The following KCNT1 variants were observed in gnomAD, a reference collection of about 807,000 sequenced individuals.
KCNT1 encodes potassium channel subfamily T member 1.
A neutral mutation model predicts 147.8 loss-of-function variants in KCNT1; 78 were observed. The observed-to-expected ratio is 0.53, with a 90% confidence interval of 0.44 to 0.64. The LOEUF (loss-of-function observed/expected upper bound fraction) is 0.64. Among genes scored for constraint, KCNT1 ranks in the 30% least tolerant of loss-of-function variants. The pLI is 0.00. For synonymous variants in KCNT1, 867 were observed against 748.8 expected, an observed-to-expected ratio of 1.16 and a Z score of -2.58; for missense variants, 1,419 against 1,750.3, an observed-to-expected ratio of 0.81 and a Z score of 3.38.
At chr9:135,749,622 G>A (rs985538341) in intron 2 of KCNT1, among the ~76,000 whole-genome samples, 2 of 152,226 alleles carry the variant, frequency 1.3e-5, no homozygotes, top group East Asian at 1.9e-4. Flanking sequence ...AGCCACCAGC[G>A]GCCTCCAGAC....
chr9:135,752,932 T>C lies in KCNT1; in HGVS notation c.435-1005T>C, dbSNP rs1831268006. 6.8e-6 allele frequency among the ~76,000 whole-genome samples: 1 copy of C among 147,996 alleles called. No individual in the cohort carries two copies. The highest frequency in any genetic ancestry group is 1.5e-5 in the Non-Finnish European group (1 of 67,202). On this transcript the variant is annotated intron_variant, in intron 4 of 30. Coordinates refer to ENST00000371757, the MANE Select transcript of KCNT1 (RefSeq NM_020822.3). The surrounding 1 kb of genome is among the most constrained non-coding windows in gnomAD (Gnocchi z 5.1). ...AGTGGATGGATGATGGATGGATGGA[T>C]GGACAGATAAGTAGATGGATAGATG...
At chr9:135,725,763 T>G (rs1041316171) in intron 2 of KCNT1, among the ~76,000 whole-genome samples, 4 of 152,140 alleles carry the variant, frequency 2.6e-5, no homozygotes, top group South Asian at 2.1e-4. Context: ...CTCAGCCGGG[T>G]CCAGGCGGAC....
intron 2 of KCNT1, among the ~76,000 whole-genome samples, chr9:135,728,373 T>C (rs1836301623): frequency 6.6e-6 from 1 of 152,210 alleles, no homozygotes; most frequent in Non-Finnish European, 1.5e-5. Context: ...CAGATTCACC[T>C]GGTTTCTATG....
chr9:135,715,051 G>A (rs1016146733), intron 2 of KCNT1, among the ~76,000 whole-genome samples: 8 of 152,210 alleles, frequency 5.3e-5, no homozygotes, highest in Non-Finnish European at 1.0e-4. Flanking sequence ...GGTTTTGGGG[G>A]CAAGCCAGGG....
At chr9:135,705,872 G>A (rs934958041) in intron 1 of KCNT1, among the ~76,000 whole-genome samples, 1 of 152,038 alleles carries the variant, frequency 6.6e-6, no homozygotes, top group African/African-American at 2.4e-5. Context: ...CCTTGAGAGG[G>A]GGCCTCCAGC....
intron 29 of KCNT1, chr9:135,788,058 T>C (rs775726417): frequency 4.1e-6 from 6 of 1,476,642 alleles, no homozygotes; most frequent in Non-Finnish European, 5.7e-6. Context: ...ATATTCTCTC[T>C]CTCTCTCTTT....
chr9:135,783,120 C>T (rs372789487), intron 24 of KCNT1, among the ~76,000 whole-genome samples: 37 of 152,320 alleles, frequency 2.4e-4, no homozygotes, highest in Admixed American at 9.8e-4. Context: ...AAGAATGACC[C>T]GAGAGTTGGC....
intron 25 of KCNT1, 68 bp from the exon 26 acceptor site, chr9:135,784,467 G>A (rs904534407): frequency 1.1e-5 from 12 of 1,132,466 alleles, no homozygotes; most frequent in African/African-American, 4.7e-5. Context: ...GCCCGTGCCC[G>A]CGTGCCTCAC....
chr9:135,749,013 G>A (rs1830997251), intron 2 of KCNT1, among the ~76,000 whole-genome samples: 1 of 152,232 alleles, frequency 6.6e-6, no homozygotes, highest in African/African-American at 2.4e-5. Flanking sequence ...GCCGTTTAGG[G>A]GGACATGTGC....
intron 11 of KCNT1, among the ~76,000 whole-genome samples, chr9:135,760,737 C>T (rs1024512961): frequency 7.9e-5 from 12 of 152,356 alleles, no homozygotes; most frequent in African/African-American, 2.6e-4. Flanking sequence ...ACCAGCTGTA[C>T]GGCCCCCAGC....
At chr9:135,716,710 G>T (rs978789585) in intron 2 of KCNT1, among the ~76,000 whole-genome samples, 1 of 152,150 alleles carries the variant, frequency 6.6e-6, no homozygotes, top group Admixed American at 6.5e-5. Context: ...GAGGTGGACC[G>T]CTGGACGTGT....
intron 2 of KCNT1, chr9:135,742,778 T>G: frequency 1.4e-6 from 1 of 717,416 alleles, no homozygotes; most frequent in South Asian, 1.5e-5. Context: ...CCAGGCTTCC[T>G]GTAGAAGATT....
chr9:135,703,832 C>T (rs1407069632), intron 1 of KCNT1, among the ~76,000 whole-genome samples: 1 of 152,244 alleles, frequency 6.6e-6, no homozygotes, highest in Non-Finnish European at 1.5e-5. Flanking sequence ...TCCTCCGGGT[C>T]CTTCCAGACA....
Position 135,730,989 on chromosome 9 carries a change from G to GCGAAAAAA in KCNT1, c.254+16269_254+16270insCGAAAAAA. On this transcript the variant is annotated intron_variant, in intron 2 of 30. Transcript: ENST00000371757. This position sits in a 1 kb window ranked among gnomAD's most constrained non-coding sequence, Gnocchi z 4.7. ...CAACAAAGTGAGATCCCGTCTCAAG[G>GCGAAAAAA]TAAAAAAAAAAAAAAAAAAAAAAAG... is the stretch of plus-strand genomic sequence containing the variant. 2.5e-5 allele frequency among the ~76,000 whole-genome samples: 1 copy of GCGAAAAAA among 39,654 alleles called. No individual in the cohort carries two copies. The highest frequency in any genetic ancestry group is 4.3e-4 in the East Asian group (1 of 2,310). 26.0% of individuals were successfully genotyped at this position (39,654 alleles called of 152,430 possible).
chr9:135,750,970 C>T lies in KCNT1; in HGVS notation c.363C>T (p.Ser121=). ...TGAGGATCCGGCTGTTCAACTTCTC[C>T]CTGAAGCTGCTCACCTGCCTGCTCT... The part of the protein sequence containing the change: ...SSLRIRLFNF[S]LKLLTCLLYI... The change falls in exon 4 of 31, where the codon TCC becomes TCT. Residue 121 remains serine (S), a synonymous_variant. Transcript: ENST00000371757. 1 of 1,613,222 alleles carries T rather than the reference C, an allele frequency of 6.2e-7. No individual in the cohort carries two copies. Among genetic ancestry groups the T allele is most frequent in the South Asian group, 1.1e-5 (1 of 91,086 alleles).
chr9:135,775,344 A>G lies in KCNT1; in HGVS notation c.2278A>G (p.Ile760Val). The G allele has an allele frequency of 1.2e-6, 2 of 1,609,482 alleles. No homozygotes were observed. Among genetic ancestry groups the G allele is most frequent in the Non-Finnish European group, 1.7e-6 (2 of 1,177,868 alleles). ...VKGYPPNSPY[I>V]GSSPTLCHLL... The stretch of plus-strand genomic sequence containing the variant: ...GGGCTACCCTCCCAACTCGCCCTAC[A>G]TCGGCAGCTCCCCAACCCTGTGCCA... Residue 760 changes from isoleucine (I) to valine (V), a missense_variant, in exon 20 of 31, where the codon ATC (isoleucine) becomes GTC (valine). By Grantham distance (29) the Ile-to-Val change is conservative. Transcript: ENST00000371757.
At chr9:135,786,140 C>G (rs764671361) in intron 28 of KCNT1, 57 bp from the exon 29 acceptor site, 1 of 1,515,920 alleles carries the variant, frequency 6.6e-7, no homozygotes, top group South Asian at 1.2e-5. Context: ...CCCCAAAGCC[C>G]GCGACCCTCC....
At chr9:135,769,603 G>A (rs1832603381) in intron 15 of KCNT1, among the ~76,000 whole-genome samples, 1 of 152,194 alleles carries the variant, frequency 6.6e-6, no homozygotes, top group South Asian at 2.1e-4. Flanking sequence ...CATGCCGGGT[G>A]CCCGGGGAAC....
chr9:135,765,863 GC>G, intron 13 of KCNT1, 103 bp downstream of exon 13: 1 of 1,115,000 alleles, frequency 9.0e-7, no homozygotes, highest in Non-Finnish European at 1.3e-6. Context: ...GCCAATGAGA[GC>G]CATGAGAGCA....
Sources: gnomAD v4.1 joint callset for allele counts (sites outside exome capture counted in the v4.1 genomes callset) on GRCh38, gnomAD v4.1.1 for gene constraint, Gnocchi (gnomAD v3.1) non-coding constraint, MANE v1.5 for transcripts, NCBI Gene and HGNC (gene_info 2026-07-23, HGNC 2026-07-21) for gene names.